CNTNAP2: variants seen among roughly 807,000 people sequenced by gnomAD.
CNTNAP2 encodes the protein contactin associated protein 2, also known as contactin-associated protein-like 2.
CNTNAP2 carries 98 observed loss-of-function variants against 155.2 expected under a neutral mutation model. The observed-to-expected ratio is 0.63, with a 90% CI of 0.54 to 0.75. The LOEUF is 0.75. CNTNAP2 is among the 30% of genes least tolerant of loss of function. CNTNAP2 has a pLI of 0.00. For missense variants in CNTNAP2, 1,727 were observed against 1,688.1 expected, an observed-to-expected ratio of 1.02 and a Z score of -0.40; for synonymous variants, 651 against 631.2, an observed-to-expected ratio of 1.03 and a Z score of -0.47.
At chr7:147,149,495 G>A (rs1002170530) in intron 8 of CNTNAP2, among the ~76,000 whole-genome samples, 1 of 152,210 alleles carries the variant, frequency 6.6e-6, no homozygotes, top group African/African-American at 2.4e-5. Flanking sequence ...AAAGAAATTA[G>A]TTTGGAGAGG....
At chr7:146,991,061 G>T (rs1798200133) in intron 3 of CNTNAP2, among the ~76,000 whole-genome samples, 1 of 151,890 alleles carries the variant, frequency 6.6e-6, no homozygotes, top group Admixed American at 6.6e-5. Flanking sequence ...TAATAGGTGA[G>T]AAAAGCATAA....
chr7:147,943,630 G>A (rs1318881090), intron 14 of CNTNAP2, among the ~76,000 whole-genome samples: 6 of 151,790 alleles, frequency 4.0e-5, no homozygotes, highest in Non-Finnish European at 5.9e-5. Flanking sequence ...TTATCTGGGC[G>A]TGGTGGCACA....
At chr7:148,317,539 A>C (rs1252686237) in intron 21 of CNTNAP2, among the ~76,000 whole-genome samples, 2 of 151,930 alleles carry the variant, frequency 1.3e-5, no homozygotes, top group Non-Finnish European at 2.9e-5. Flanking sequence ...CTCCAAAAAA[A>C]TATTTTTAAT....
chr7:147,010,772 G>A (rs1798608502), intron 3 of CNTNAP2, among the ~76,000 whole-genome samples: 2 of 152,108 alleles, frequency 1.3e-5, no homozygotes, highest in Non-Finnish European at 2.9e-5. Context: ...TCAAAATATA[G>A]CAATCATTGT....
chr7:147,462,596 T>C (rs765828101), intron 10 of CNTNAP2, among the ~76,000 whole-genome samples: 6 of 152,222 alleles, frequency 3.9e-5, no homozygotes, highest in African/African-American at 9.6e-5. Context: ...GCAATTGACG[T>C]TGGGACATAA....
intron 8 of CNTNAP2, among the ~76,000 whole-genome samples, chr7:147,260,513 ATAT>A (rs989089482): frequency 6.6e-6 from 1 of 152,214 alleles, no homozygotes; most frequent in Non-Finnish European, 1.5e-5. Flanking sequence ...AAGTCTGAAA[ATAT>A]TATAGTATGC....
chr7:147,966,772 A>G (rs1289123586), intron 14 of CNTNAP2, among the ~76,000 whole-genome samples: 1 of 152,182 alleles, frequency 6.6e-6, no homozygotes, highest in Non-Finnish European at 1.5e-5. Flanking sequence ...AAGGGAAAGA[A>G]ACATGGATGT....
chr7:146,511,421 G>A (rs922211256), intron 1 of CNTNAP2, among the ~76,000 whole-genome samples: 2 of 152,092 alleles, frequency 1.3e-5, no homozygotes, highest in African/African-American at 4.8e-5. Context: ...AATAGCTATG[G>A]GTTTGTCACG....
chr7:146,617,053 T>A (rs971991427), intron 1 of CNTNAP2, among the ~76,000 whole-genome samples: 1 of 151,228 alleles, frequency 6.6e-6, no homozygotes, highest in African/African-American at 2.4e-5. Flanking sequence ...GGAGTCTCGC[T>A]CTGTCGCCCA....
chr7:148,289,577 ACACT>A (rs1253725382), intron 21 of CNTNAP2, among the ~76,000 whole-genome samples: 3 of 62,046 alleles, frequency 4.8e-5, no homozygotes, highest in Non-Finnish European at 8.7e-5. Context: ...ACACACACTC[ACACT>A]CACACACACA....
intron 3 of CNTNAP2, among the ~76,000 whole-genome samples, chr7:146,907,392 G>A (rs1216743227): frequency 3.4e-5 from 5 of 148,776 alleles, no homozygotes; most frequent in African/African-American, 1.3e-4. Context: ...GTTAAGGGCA[G>A]CCAGAGAGAA....
intron 1 of CNTNAP2, among the ~76,000 whole-genome samples, chr7:146,622,754 C>T (rs1194621161): frequency 1.3e-5 from 2 of 151,952 alleles, no homozygotes; most frequent in East Asian, 1.9e-4. Flanking sequence ...GTCAGGAGTT[C>T]GAGACCAGCC....
intron 8 of CNTNAP2, among the ~76,000 whole-genome samples, chr7:147,133,966 C>T (rs563293583): frequency 5.3e-5 from 8 of 151,728 alleles, no homozygotes; most frequent in African/African-American, 9.7e-5. Flanking sequence ...TACAGCAAAT[C>T]GAAAATATCT....
intron 1 of CNTNAP2, among the ~76,000 whole-genome samples, chr7:146,434,792 A>AAT (rs1187844688): frequency 6.6e-6 from 1 of 152,086 alleles, no homozygotes; most frequent in African/African-American, 2.4e-5. Context: ...TTAGAAATTT[A>AAT]ATATATATTG....
chr7:146,738,140 G>T (rs1258887082), intron 1 of CNTNAP2, among the ~76,000 whole-genome samples: 3 of 151,946 alleles, frequency 2.0e-5, no homozygotes, highest in Non-Finnish European at 4.4e-5. Flanking sequence ...CAAATAGTGT[G>T]CATGGGTTCT....
chr7:146,636,156 T>C (rs1011131447), intron 1 of CNTNAP2, among the ~76,000 whole-genome samples: 25 of 133,386 alleles, frequency 1.9e-4, no homozygotes, highest in African/African-American at 7.3e-4. Context: ...AGGGGAGAGG[T>C]GGACTACAGC....
intron 13 of CNTNAP2, 60 bp downstream of exon 13, chr7:147,639,366 T>G: frequency 6.6e-7 from 1 of 1,504,180 alleles, no homozygotes; most frequent in Non-Finnish European, 9.2e-7. Flanking sequence ...TAGAATTGCC[T>G]AAAGAATCCA....
chr7:146,308,499 A>C (rs1652432340), intron 1 of CNTNAP2, among the ~76,000 whole-genome samples: 1 of 152,124 alleles, frequency 6.6e-6, no homozygotes, highest in Non-Finnish European at 1.5e-5. Flanking sequence ...AAAGATTATA[A>C]ATCATGCTGC....
chr7:146,737,238 G>T (rs954867655), intron 1 of CNTNAP2, among the ~76,000 whole-genome samples: 1 of 151,988 alleles, frequency 6.6e-6, no homozygotes, highest in Non-Finnish European at 1.5e-5. Context: ...ACTAAATCTG[G>T]CTAACTATTC....
Sources: allele counts gnomAD v4.1 joint callset (sites outside exome capture counted in the v4.1 genomes callset), GRCh38; gene constraint gnomAD v4.1.1; transcripts MANE v1.5; gene names NCBI Gene and HGNC (gene_info 2026-07-23, HGNC 2026-07-21).